The following MCEE variants were observed in gnomAD, a reference collection of about 807,000 sequenced individuals.
MCEE encodes methylmalonyl-CoA epimerase, mitochondrial.
In MCEE, 6 loss-of-function variants were observed where a neutral mutation model predicts 12.9. The observed-to-expected ratio is 0.47, with a 90% CI of 0.26 to 0.92. The LOEUF (loss-of-function observed/expected upper bound fraction) is 0.92, where lower values mean the gene tolerates loss of function less well. Among genes scored for constraint, MCEE ranks in the 40% least tolerant of loss-of-function variants. The probability of loss-of-function intolerance (pLI) is 0.16; values close to 1 mark genes in which losing one functional copy is unlikely to be tolerated. For synonymous variants in MCEE, 78 were observed against 77.9 expected, an observed-to-expected ratio of 1.00 and a Z score of -0.01; for missense variants, 214 against 212.1, an observed-to-expected ratio of 1.01 and a Z score of -0.05.
intron 1 of MCEE, among the ~76,000 whole-genome samples, chr2:71,128,068 A>G (rs72903584): frequency 0.02 from 3,089 of 151,898 alleles, 102 homozygotes; most frequent in African/African-American, 0.071. Context: ...CACCATATAT[A>G]TATCTTCAAC....
In MCEE at chr2:71,109,827, A is replaced by G. The variant is rs1672848855; in HGVS notation, c.*143T>C. The stretch of plus-strand genomic sequence containing the variant: ...CATATTTATGTATTTATATATGTAT[A>G]TATTTTAATCTTTCTGTAATTCAGT... On this transcript the variant is annotated 3_prime_UTR_variant, in exon 3 of 3. Transcript: ENST00000244217. The G allele has an allele frequency of 6.4e-6, 4 of 628,184 alleles. No homozygotes were observed. The highest frequency in any genetic ancestry group is 1.1e-5 in the Non-Finnish European group (4 of 365,108). The allele number at this position is 628,184 out of a possible 1,614,324, so 38.9% of individuals were successfully genotyped here.
intron 1 of MCEE, among the ~76,000 whole-genome samples, chr2:71,126,354 A>G (rs946601474): frequency 7.9e-5 from 12 of 152,102 alleles, no homozygotes; most frequent in African/African-American, 2.4e-4. Context: ...CAGTCTCCTG[A>G]ATAATTGGTA....
In MCEE at chr2:71,124,272, A is replaced by C. The variant is rs142838031; in HGVS notation, c.312T>G (p.Arg104=). ...GCAGAAAACCTGCAATTGGACTGTC[A>C]CGTCCCAATGGATGAAGCAGTTCCA... ...TKMELLHPLG[R]DSPIAGFLQK... The change falls in exon 2 of 3, where the codon CGT becomes CGG. Residue 104 remains arginine, a synonymous_variant. Transcript: ENST00000244217. The C allele has an allele frequency of 9.8e-5, 158 of 1,614,168 alleles. No homozygotes were observed. In the African/African-American group the frequency reaches 1.9e-3, roughly 20 times the overall value.
intron 2 of MCEE, among the ~76,000 whole-genome samples, chr2:71,112,453 T>TTG (rs70959206): frequency 7.0e-6 from 1 of 142,636 alleles, no homozygotes; most frequent in African/African-American, 2.8e-5. Context: ...TTTTTTTTTT[T>TTG]GAGACAGAGT....
intron 2 of MCEE, among the ~76,000 whole-genome samples, chr2:71,112,009 C>T (rs1424513744): frequency 3.3e-5 from 5 of 152,204 alleles, no homozygotes; most frequent in African/African-American, 9.7e-5. Context: ...TCTAAATTGG[C>T]AGGTTTTTTC....
chr2:71,120,860 C>T (rs759750393), intron 2 of MCEE, among the ~76,000 whole-genome samples: 3 of 152,118 alleles, frequency 2.0e-5, no homozygotes, highest in Non-Finnish European at 4.4e-5. Context: ...GCCTCAGCCT[C>T]CCAAGTAGCT....
chr2:71,125,211 A>ATATATATATTTTTTTT, intron 1 of MCEE, among the ~76,000 whole-genome samples: 6 of 48,594 alleles, frequency 1.2e-4, no homozygotes, highest in African/African-American at 3.0e-4. Context: ...ATATATATAT[A>ATATATATATTTTTTTT]TTTTTTTTTT....
At chr2:71,127,581 T>C (rs1673263575) in intron 1 of MCEE, among the ~76,000 whole-genome samples, 1 of 152,254 alleles carries the variant, frequency 6.6e-6, no homozygotes, top group African/African-American at 2.4e-5. Context: ...TTTGCATCTT[T>C]GCAAAGTTGT....
At chr2:71,120,988 C>T (rs937505659) in intron 2 of MCEE, among the ~76,000 whole-genome samples, 3 of 152,180 alleles carry the variant, frequency 2.0e-5, no homozygotes, top group Admixed American at 6.5e-5. Context: ...CTGCCCACCT[C>T]GGCCTCCCAA....
chr2:71,111,147 T>TA (rs1483740615), intron 2 of MCEE, among the ~76,000 whole-genome samples: 1 of 152,224 alleles, frequency 6.6e-6, no homozygotes, highest in African/African-American at 2.4e-5. Context: ...GCACATATTC[T>TA]ACTTGTATTC....
At chr2:71,118,610 G>A (rs540158056) in intron 2 of MCEE, among the ~76,000 whole-genome samples, 11 of 149,992 alleles carry the variant, frequency 7.3e-5, no homozygotes, top group South Asian at 2.1e-4. Context: ...CTGTCCTCCC[G>A]TAGCGGAAGG....
chr2:71,120,641 G>C (rs1673081770), intron 2 of MCEE, among the ~76,000 whole-genome samples: 1 of 150,186 alleles, frequency 6.7e-6, no homozygotes, highest in Non-Finnish European at 1.5e-5. Context: ...ACAGATATAT[G>C]CTAAGTCAGA....
chr2:71,119,780 A>G lies in MCEE; in HGVS notation c.378+4426T>C, dbSNP rs553069855. On this transcript the variant is annotated intron_variant, in intron 2 of 2. Transcript: ENST00000244217. ...ATCAGATAGAATTGTGCGGCTGAGC[A>G]TGGTGGTTCATGCCTGTAATCCCAG... Among the ~76,000 whole-genome samples the G allele has an allele frequency of 1.3e-5, 2 of 150,344 alleles. 1 individual carries two copies. The highest frequency in any genetic ancestry group is 5.0e-5 in the African/African-American group (2 of 39,750).
chr2:71,125,211 A>ATATATATATATATATATATATATT, intron 1 of MCEE, among the ~76,000 whole-genome samples: 1 of 48,594 alleles, frequency 2.1e-5, no homozygotes. Flanking sequence ...ATATATATAT[A>ATATATATATATATATATATATATT]TTTTTTTTTT....
chr2:71,110,201 C>A, intron 2 of MCEE, 79 bp from the exon 3 acceptor site: 1 of 1,266,746 alleles, frequency 7.9e-7, no homozygotes, highest in Non-Finnish European at 1.1e-6. Flanking sequence ...TTAGAAAAAA[C>A]TTTGAGAGCT....
At chr2:71,111,230 C>G (rs1283835457) in intron 2 of MCEE, among the ~76,000 whole-genome samples, 1 of 152,134 alleles carries the variant, frequency 6.6e-6, no homozygotes, top group Non-Finnish European at 1.5e-5. Context: ...CAGCTCATTT[C>G]ATGACATCTT....
chr2:71,112,924 A>G (rs1672919319), intron 2 of MCEE, among the ~76,000 whole-genome samples: 1 of 152,290 alleles, frequency 6.6e-6, no homozygotes, highest in Admixed American at 6.5e-5. Context: ...CATGTCCTAC[A>G]TCTGTCTTAT....
chr2:71,112,357 G>A (rs781562818), intron 2 of MCEE, among the ~76,000 whole-genome samples: 1 of 149,210 alleles, frequency 6.7e-6, no homozygotes, highest in African/African-American at 2.5e-5. Context: ...GGATGGTCTC[G>A]ATCTCTTGAC....
intron 1 of MCEE, among the ~76,000 whole-genome samples, chr2:71,127,393 G>A (rs1403603323): frequency 2.6e-5 from 4 of 152,184 alleles, no homozygotes; most frequent in Non-Finnish European, 5.9e-5. Context: ...ATACTCAAAT[G>A]CATTAAGAGT....
Sources: gnomAD v4.1 joint callset for allele counts (sites outside exome capture counted in the v4.1 genomes callset) on GRCh38, gnomAD v4.1.1 for gene constraint, MANE v1.5 for transcripts, NCBI Gene and HGNC (gene_info 2026-07-23, HGNC 2026-07-21) for gene names.